R3HDM1: variants seen among roughly 807,000 people sequenced by gnomAD.
R3HDM1 encodes the protein R3H domain containing 1.
R3HDM1 carries 46 observed loss-of-function variants against 141.1 expected under a neutral mutation model. That is an observed-to-expected ratio of 0.33 (90% CI 0.26 to 0.42). The LOEUF (loss-of-function observed/expected upper bound fraction) is 0.42, where lower values mean the gene tolerates loss of function less well. Among genes scored for constraint, R3HDM1 ranks in the 10% least tolerant of loss-of-function variants. The probability of loss-of-function intolerance (pLI) is 1.00; values close to 1 mark genes in which losing one functional copy is unlikely to be tolerated. For synonymous variants in R3HDM1, 435 were observed against 472.9 expected (o/e 0.92, Z 1.04); for missense variants, 1,184 against 1,368.3 (o/e 0.87, Z 2.12).
chr2:135,621,860 T>G, intron 6 of R3HDM1: 1 of 980,090 alleles, frequency 1.0e-6, no homozygotes, highest in Non-Finnish European at 1.2e-6. Context: ...GGTCCCTCAC[T>G]CATAGTAAAA....
intron 1 of R3HDM1, among the ~76,000 whole-genome samples, chr2:135,541,766 A>G (rs1241341459): frequency 1.3e-5 from 2 of 151,990 alleles, no homozygotes; most frequent in African/African-American, 4.8e-5. Context: ...AAACTATTAC[A>G]CAGAGACATG....
chr2:135,701,745 A>G (rs1375946293), intron 21 of R3HDM1, among the ~76,000 whole-genome samples: 1 of 152,232 alleles, frequency 6.6e-6, no homozygotes. Flanking sequence ...GCTACTCATA[A>G]TGACATGCAA....
chr2:135,601,464 G>C (rs2059614617), intron 1 of R3HDM1, among the ~76,000 whole-genome samples: 1 of 152,154 alleles, frequency 6.6e-6, no homozygotes, highest in Non-Finnish European at 1.5e-5. Flanking sequence ...TTGGTGCTTA[G>C]ATCTCATTAT....
At chr2:135,722,811 G>A (rs543006212) in intron 26 of R3HDM1, among the ~76,000 whole-genome samples, 2 of 152,264 alleles carry the variant, frequency 1.3e-5, no homozygotes, top group East Asian at 3.9e-4. Context: ...AACAAGTAGA[G>A]TGAAACTCTT....
chr2:135,696,122 A>G (rs1383559440), intron 21 of R3HDM1, among the ~76,000 whole-genome samples: 2 of 152,246 alleles, frequency 1.3e-5, no homozygotes, highest in Admixed American at 6.5e-5. Context: ...AATCCATGGT[A>G]TATTCATCAG....
chr2:135,575,606 C>T (rs913983469), intron 1 of R3HDM1, among the ~76,000 whole-genome samples: 2 of 152,154 alleles, frequency 1.3e-5, no homozygotes, highest in African/African-American at 4.8e-5. Flanking sequence ...ATAAAATTAA[C>T]TTAAAAAATC....
At chr2:135,679,867 G>T (rs1156808675) in intron 20 of R3HDM1, among the ~76,000 whole-genome samples, 1 of 152,148 alleles carries the variant, frequency 6.6e-6, no homozygotes, top group Non-Finnish European at 1.5e-5. Context: ...ATCACTTGAG[G>T]TCAGGAGTTT....
chr2:135,697,732 G>A (rs974155727), intron 21 of R3HDM1, among the ~76,000 whole-genome samples: 9 of 152,098 alleles, frequency 5.9e-5, no homozygotes, highest in African/African-American at 2.2e-4. Context: ...ACATATATAT[G>A]TGGTAAAATT....
intron 23 of R3HDM1, among the ~76,000 whole-genome samples, 171 bp from the exon 24 acceptor site, chr2:135,715,379 A>G (rs917323896): frequency 4.6e-5 from 7 of 152,234 alleles, no homozygotes; most frequent in African/African-American, 1.7e-4. Flanking sequence ...CTCAAAAAAA[A>G]AGAAAAAAAA....
At chr2:135,688,781 C>A (rs1378114431) in intron 21 of R3HDM1, among the ~76,000 whole-genome samples, 1 of 151,960 alleles carries the variant, frequency 6.6e-6, no homozygotes, top group Non-Finnish European at 1.5e-5. Flanking sequence ...ACTAAAAATA[C>A]AAAAATTAGC....
At chr2:135,717,656 C>G (rs1011191463) in intron 24 of R3HDM1, among the ~76,000 whole-genome samples, 1 of 152,114 alleles carries the variant, frequency 6.6e-6, no homozygotes, top group Non-Finnish European at 1.5e-5. Flanking sequence ...GTACACCAAA[C>G]CCCCACAACA....
At chr2:135,581,964 A>C (rs115164587) in intron 1 of R3HDM1, among the ~76,000 whole-genome samples, 1,577 of 152,336 alleles carry the variant, frequency 0.01, 25 homozygotes, top group African/African-American at 0.036. Context: ...TCAGAATTTT[A>C]AGGACTAAAT....
intron 1 of R3HDM1, among the ~76,000 whole-genome samples, chr2:135,600,103 ATTTT>A (rs1047714227): frequency 1.1e-5 from 1 of 93,476 alleles, no homozygotes; most frequent in Non-Finnish European, 1.9e-5. Context: ...AGTTCGTATG[ATTTT>A]TTTTTTTTTT....
chr2:135,668,372 A>G (rs931832319), intron 19 of R3HDM1, among the ~76,000 whole-genome samples: 2 of 152,256 alleles, frequency 1.3e-5, no homozygotes, highest in African/African-American at 4.8e-5. Flanking sequence ...AAAATTATAT[A>G]CTTTTTAGCC....
intron 18 of R3HDM1, among the ~76,000 whole-genome samples, chr2:135,659,602 TA>T (rs2066426374): frequency 6.6e-6 from 1 of 152,044 alleles, no homozygotes. Context: ...CACACCTAGC[TA>T]ATTTTTTAAT....
intron 21 of R3HDM1, among the ~76,000 whole-genome samples, chr2:135,695,974 TAAATC>T (rs2073178041): frequency 6.6e-6 from 1 of 152,168 alleles, no homozygotes; most frequent in South Asian, 2.1e-4. Context: ...GTGTGTATAA[TAAATC>T]AAGAATTCTC....
At chr2:135,592,832 T>C (rs984337623) in intron 1 of R3HDM1, among the ~76,000 whole-genome samples, 1 of 152,122 alleles carries the variant, frequency 6.6e-6, no homozygotes. Context: ...CGTAGTGTAC[T>C]GCACCCTCAA....
chr2:135,551,556 T>C (rs1699856690), intron 1 of R3HDM1, among the ~76,000 whole-genome samples: 2 of 152,214 alleles, frequency 1.3e-5, no homozygotes, highest in Admixed American at 6.5e-5. Context: ...AATTAAGATA[T>C]TACGAAATAA....
At chr2:135,630,032 T>C (rs2062479514) in intron 7 of R3HDM1, among the ~76,000 whole-genome samples, 1 of 150,680 alleles carries the variant, frequency 6.6e-6, no homozygotes, top group Admixed American at 6.6e-5. Context: ...TTAACTGTAT[T>C]GGAGCATTTG....
Sources: gnomAD v4.1 joint callset for allele counts (sites outside exome capture counted in the v4.1 genomes callset) on GRCh38, gnomAD v4.1.1 for gene constraint, MANE v1.5 for transcripts, NCBI Gene and HGNC (gene_info 2026-07-23, HGNC 2026-07-21) for gene names.